CDC42BPB: variants seen among roughly 807,000 people sequenced by gnomAD.
The protein encoded by CDC42BPB is CDC42 binding protein kinase beta.
A neutral mutation model predicts 214.9 loss-of-function variants in CDC42BPB; 37 were observed. The observed-to-expected ratio is 0.17, with a 90% CI of 0.13 to 0.23. The LOEUF (loss-of-function observed/expected upper bound fraction) is 0.23. Among genes scored for constraint, CDC42BPB ranks in the 10% least tolerant of loss-of-function variants. The pLI, the probability that CDC42BPB is intolerant of heterozygous loss-of-function variation, is 1.00. For missense variants in CDC42BPB, 1,694 were observed against 2,227.0 expected (o/e 0.76, Z 4.82); for synonymous variants, 931 against 884.0 (o/e 1.05, Z -0.94).
At chr14:102,959,545 G>A (rs1187400047) in intron 21 of CDC42BPB, 86 bp downstream of exon 21, 4 of 873,834 alleles carry the variant, frequency 4.6e-6, no homozygotes, top group Non-Finnish European at 7.3e-6. Context: ...TGTGTTTGTG[G>A]CCCCATGAGT....
chr14:102,952,510 A>G lies in CDC42BPB; in HGVS notation c.3160T>C (p.Tyr1054His). 1 of 1,610,932 alleles carries G rather than the reference A, an allele frequency of 6.2e-7. No individual in the cohort carries two copies. Among genetic ancestry groups the G allele is most frequent in the Non-Finnish European group, 8.5e-7 (1 of 1,177,596 alleles). ...SLMVGLIRQG[Y>H]ACEVCSFACH... The stretch of plus-strand genomic sequence containing the variant: ...CAACGACACTCACCCTCGCAGGCGT[A>G]GCCCTGCCGGATCAGCCCAACCATC... Residue 1054 changes from tyrosine (Y) to histidine (H), a missense_variant, in exon 24 of 37, where the codon TAC (tyrosine) becomes CAC (histidine). Coordinates refer to ENST00000361246, the MANE Select transcript of CDC42BPB (RefSeq NM_006035.4).
chr14:103,050,361 G>A (rs1286098056), intron 1 of CDC42BPB, among the ~76,000 whole-genome samples: 1 of 152,248 alleles, frequency 6.6e-6, no homozygotes, highest in Non-Finnish European at 1.5e-5. Flanking sequence ...AGAAATGCTG[G>A]TTAGAGGGCT....
intron 1 of CDC42BPB, among the ~76,000 whole-genome samples, chr14:103,053,332 GTGAGACTCCGT>G (rs1888719929): frequency 1.3e-5 from 2 of 151,758 alleles, no homozygotes; most frequent in South Asian, 4.1e-4. Context: ...GGGCAACAGA[GTGAGACTCCGT>G]CTCAAAAAAA....
rs1895152395 is a variant in CDC42BPB at position 103,004,714 on chromosome 14, G to C, written c.352-691C>G. Among the ~76,000 whole-genome samples the C allele has an allele frequency of 6.6e-6, 1 of 151,934 alleles. No homozygotes were observed. The stretch of plus-strand genomic sequence containing the variant: ...GAAACCCTGTCTCTACTAAAAACTA[G>C]AAAAACTAGCCAGGTGTGGTGGCAG... On this transcript the variant is annotated intron_variant, in intron 3 of 36. Coordinates refer to ENST00000361246, the MANE Select transcript of CDC42BPB (RefSeq NM_006035.4). This position sits in a 1 kb window ranked among gnomAD's most constrained non-coding sequence, Gnocchi z 5.3.
At position 103,005,310 on chromosome 14, in the gene CDC42BPB, T is replaced by C. The variant is rs576935547; in HGVS notation, c.352-1287A>G. Among the ~76,000 whole-genome samples the C allele has an allele frequency of 2.0e-5, 3 of 152,362 alleles. No homozygotes were observed. In the South Asian group the frequency reaches 6.2e-4, roughly 32 times the overall value. ...TATAAGTACATTACGGAGAGCTTGCTATGTGAGGCACGAGGGCACAGTTCT... is the reference window on the plus strand; with the variant it reads ...TATAAGTACATTACGGAGAGCTTGCCATGTGAGGCACGAGGGCACAGTTCT... On this transcript the variant is annotated intron_variant, in intron 3 of 36. Transcript: ENST00000361246.
intron 21 of CDC42BPB, among the ~76,000 whole-genome samples, chr14:102,955,337 C>T (rs1467573937): frequency 1.3e-5 from 2 of 152,200 alleles, no homozygotes; most frequent in African/African-American, 2.4e-5. Context: ...GCACGACAAT[C>T]GCTTGAACCC....
chr14:102,954,917 G>A (rs1669280761), intron 21 of CDC42BPB: 1 of 516,846 alleles, frequency 1.9e-6, no homozygotes. Flanking sequence ...TCAGCTGAGT[G>A]GTGATTGCGT....
intron 5 of CDC42BPB, among the ~76,000 whole-genome samples, chr14:102,987,162 T>C (rs1317282812): frequency 1.3e-5 from 2 of 152,128 alleles, no homozygotes; most frequent in East Asian, 1.9e-4. Context: ...AACCGCCCCA[T>C]ACCCCCAAAA....
chr14:102,963,396 C>T, intron 19 of CDC42BPB: 2 of 508,604 alleles, frequency 3.9e-6, no homozygotes, highest in Non-Finnish European at 5.1e-6. Flanking sequence ...TCATGAAGGC[C>T]TAATGGAGCT....
rs1295228572 is a variant in CDC42BPB at position 102,968,366 on chromosome 14, G to A, written c.2241-8C>T. On this transcript the variant is annotated splice_polypyrimidine_tract_variant and splice_region_variant and intron_variant, in intron 15 of 36. Transcript: ENST00000361246. ...TCCTCCATCTCGTTATGCCTGCCAA[G>A]GTGAGCGAGAAACAGTTTTAAAAGC... 2 of 1,613,442 alleles carry A rather than the reference G, an allele frequency of 1.2e-6. No individual in the cohort carries two copies. The highest frequency in any genetic ancestry group is 1.7e-5 in the Admixed American group (1 of 59,932).
Position 102,975,877 on chromosome 14 carries a change from C to G in CDC42BPB, c.1387+6G>C. ...CGCCTGGCCCCGGAGCCGGCGCTGCCCTCACCTTGCAGCTTCCTGCTCAGC... is the reference window on the plus strand; with the variant it reads ...CGCCTGGCCCCGGAGCCGGCGCTGCGCTCACCTTGCAGCTTCCTGCTCAGC... On this transcript the variant is annotated splice_donor_region_variant and intron_variant, in intron 10 of 36. Coordinates refer to ENST00000361246, the MANE Select transcript of CDC42BPB (RefSeq NM_006035.4). 1 of 1,614,096 alleles carries G rather than the reference C, an allele frequency of 6.2e-7. No individual in the cohort carries two copies.
At chr14:103,000,920 C>T (rs1894949726) in intron 4 of CDC42BPB, among the ~76,000 whole-genome samples, 1 of 152,340 alleles carries the variant, frequency 6.6e-6, no homozygotes, top group East Asian at 1.9e-4. Context: ...CTGGGCCCAA[C>T]AGTCAGACTC....
rs2139406437 is a variant in CDC42BPB at position 102,954,255 on chromosome 14, C to T, written c.3009G>A (p.Gln1003=). The change falls in exon 23 of 37, where the codon CAG becomes CAA. Residue 1003 remains glutamine (Q), a synonymous_variant. Transcript: ENST00000361246. ...EQQEDMARPP[Q]RPSAVPLPTT... ...TGGGCAACGGCACAGCGGATGGCCT[C>T]TGCGGGGGCCGAGCCATGTCCTGGG... 5 of 1,535,900 alleles carry T rather than the reference C, an allele frequency of 3.3e-6. No homozygotes were observed. The South Asian group carries it at 6.2e-5, about 19-fold the overall frequency.
At chr14:102,978,444 T>C (rs1893854692) in intron 8 of CDC42BPB, 1 of 548,846 alleles carries the variant, frequency 1.8e-6, no homozygotes, top group Non-Finnish European at 2.3e-6. Flanking sequence ...CTGATTTCGA[T>C]GATGACAGTG....
In CDC42BPB at chr14:102,974,295, C is replaced by CAG. The variant is rs1555388797; in HGVS notation, c.1508-147_1508-146insCT. 617 of 1,441,652 alleles carry CAG rather than the reference C, an allele frequency of 4.3e-4. 3 individuals are homozygous for CAG. In the African/African-American group the frequency reaches 7.2e-3, roughly 17 times the overall value. 89.3% of individuals were successfully genotyped at this position (1,441,652 alleles called of 1,614,324 possible). A position where few individuals can be genotyped will look rare whatever the true frequency, so the allele number is the denominator to read the frequency against. ...GTTTTTTTACTTACACACACACACA[C>CAG]ACACACACACACACACACACACACA... On this transcript the variant is annotated intron_variant, in intron 11 of 36. Coordinates refer to ENST00000361246, the MANE Select transcript of CDC42BPB (RefSeq NM_006035.4).
intron 1 of CDC42BPB, among the ~76,000 whole-genome samples, chr14:103,017,065 G>A (rs930694715): frequency 3.3e-5 from 5 of 152,132 alleles, no homozygotes; most frequent in Non-Finnish European, 5.9e-5. Flanking sequence ...CTCATGCCTG[G>A]AATCCCAGCA....
Position 102,944,606 on chromosome 14 carries a change from C to T in CDC42BPB, c.3812-119G>A, listed in dbSNP as rs1287836789. ...TGGGGCCCTCCCCTGGGCTCCCTTC[C>T]TGTGTGCACAGCCTGAGCCCGGCCC... is the stretch of plus-strand genomic sequence containing the variant. On this transcript the variant is annotated intron_variant, in intron 29 of 36. Coordinates refer to ENST00000361246, the MANE Select transcript of CDC42BPB (RefSeq NM_006035.4). The surrounding 1 kb of genome is among the most constrained non-coding windows in gnomAD (Gnocchi z 6.6). 2.7e-6 allele frequency: 4 copies of T among 1,475,250 alleles called. No homozygotes were observed. Among genetic ancestry groups the T allele is most frequent in the African/African-American group, 1.4e-5 (1 of 70,602 alleles). 91.4% of individuals were successfully genotyped at this position (1,475,250 alleles called of 1,614,324 possible).
chr14:102,976,233 CA>C (rs1424472403), intron 9 of CDC42BPB, 184 bp from the exon 10 acceptor site: 1 of 985,002 alleles, frequency 1.0e-6, no homozygotes, highest in Non-Finnish European at 1.2e-6. Context: ...GAGACACTGA[CA>C]AGGGCCCTCC....
At chr14:103,044,225 AATT>A (rs968392399) in intron 1 of CDC42BPB, among the ~76,000 whole-genome samples, 6 of 152,110 alleles carry the variant, frequency 3.9e-5, no homozygotes, top group East Asian at 3.8e-4. Flanking sequence ...AGAGCTGCAA[AATT>A]ATTATTATTA....
Sources: allele counts gnomAD v4.1 joint callset (sites outside exome capture counted in the v4.1 genomes callset), GRCh38; gene constraint gnomAD v4.1.1; non-coding constraint Gnocchi (gnomAD v3.1); transcripts MANE v1.5; gene names NCBI Gene and HGNC (gene_info 2026-07-23, HGNC 2026-07-21).